Variants in MICALL2 observed in about 807,000 individuals in gnomAD.
MICALL2 encodes MICAL-like protein 2.
Under a neutral mutation model 91.1 loss-of-function variants are expected in MICALL2, and 111 were observed. That is an observed-to-expected ratio of 1.22 (90% CI 1.04 to 1.43). The LOEUF (loss-of-function observed/expected upper bound fraction) is 1.43. MICALL2 is among the 40% of genes most tolerant of loss of function. The pLI, the probability that MICALL2 is intolerant of heterozygous loss-of-function variation, is 0.00. For missense variants in MICALL2, 1,556 were observed against 1,236.0 expected (o/e 1.26, Z -3.88); for synonymous variants, 694 against 525.3 (o/e 1.32, Z -4.39).
intron 10 of MICALL2, 97 bp from the exon 11 acceptor site, chr7:1,438,450 G>A (rs944709659): frequency 3.3e-6 from 5 of 1,510,902 alleles, no homozygotes; most frequent in Non-Finnish European, 4.4e-6. Flanking sequence ...GCACAGCACA[G>A]CTGGCCCCAG....
In MICALL2 at chr7:1,442,110, G is replaced by A. The variant is rs1016026680; in HGVS notation, c.1711+82C>T. 92 of 1,473,148 alleles carry A rather than the reference G, an allele frequency of 6.2e-5. No individual in the cohort carries two copies. The Middle Eastern group carries it at 7.3e-4, about 12-fold the overall frequency. The allele number at this position is 1,473,148 out of a possible 1,614,324, so 91.3% of individuals were successfully genotyped here. A position where few individuals can be genotyped will look rare whatever the true frequency, so the allele number is the denominator to read the frequency against. On this transcript the variant is annotated intron_variant, in intron 7 of 16. Transcript: ENST00000297508. ...GGCGGGCGGGGCTGATGATGAAACCGCACACACTGCAGAGTGCGGCCAGGG... is the reference window on the plus strand; with the variant it reads ...GGCGGGCGGGGCTGATGATGAAACCACACACACTGCAGAGTGCGGCCAGGG...
chr7:1,438,052 G>A, intron 12 of MICALL2, 45 bp downstream of exon 12: 1 of 1,563,262 alleles, frequency 6.4e-7, no homozygotes, highest in Non-Finnish European at 8.7e-7. Context: ...GACTGAGGGT[G>A]TCTGTGGGAG....
rs368582091 is a variant in MICALL2 at position 1,452,194 on chromosome 7, G to A, written c.144-1906C>T. Among the ~76,000 whole-genome samples, 16 of 152,334 alleles carry A rather than the reference G, an allele frequency of 1.1e-4. No individual in the cohort carries two copies. Among genetic ancestry groups the A allele is most frequent in the East Asian group, 7.7e-4 (4 of 5,180 alleles). ...TTCTGCACGCCGGACAAGATGGGGCGCGGACTCCTCTCCGTGTGGACAGAT... is the reference window on the plus strand; with the variant it reads ...TTCTGCACGCCGGACAAGATGGGGCACGGACTCCTCTCCGTGTGGACAGAT... On this transcript the variant is annotated intron_variant, in intron 1 of 16. Coordinates refer to ENST00000297508, the MANE Select transcript of MICALL2 (RefSeq NM_182924.4). This position sits in a 1 kb window ranked among gnomAD's most constrained non-coding sequence, Gnocchi z 6.2.
In MICALL2 at chr7:1,444,780, G is replaced by C. The variant is rs1489263129; in HGVS notation, c.1290C>G (p.Thr430=). 6.2e-7 allele frequency: 1 copy of C among 1,611,876 alleles called. No homozygotes were observed. The highest frequency in any genetic ancestry group is 2.2e-5 in the East Asian group (1 of 44,862). The change falls in exon 6 of 17, where the codon ACC becomes ACG. Residue 430 remains threonine, a synonymous_variant. Transcript: ENST00000297508. ...GGGTGGGACCTCTGCCAGAAAGGCT[G>C]GTGCCGGGGGGCACTGCTGATGTTT... is the stretch of plus-strand genomic sequence containing the variant. The part of the protein sequence containing the change: ...FFQTSAVPPG[T]SLSGRGPTPS...
chr7:1,443,361 G>GGGGCAGGAGGCAGTTCT (rs1490255221), intron 6 of MICALL2, among the ~76,000 whole-genome samples: 1 of 152,110 alleles, frequency 6.6e-6, no homozygotes, highest in Non-Finnish European at 1.5e-5. Context: ...GACCACTGCG[G>GGGGCAGGAGGCAGTTCT]GGGCAGGAGG....
At chr7:1,436,934 A>C (rs1371925727) in intron 14 of MICALL2, 78 bp from the exon 15 acceptor site, 23 of 1,036,076 alleles carry the variant, frequency 2.2e-5, no homozygotes, top group Admixed American at 3.3e-5. Flanking sequence ...CCCACCACCC[A>C]AGCGCCAGGC....
At chr7:1,445,771 C>T (rs967737971) in intron 5 of MICALL2, among the ~76,000 whole-genome samples, 2 of 152,184 alleles carry the variant, frequency 1.3e-5, no homozygotes, top group African/African-American at 4.8e-5. Flanking sequence ...GGCCCCACCT[C>T]GGGGCTGACC....
In MICALL2 at chr7:1,447,599, A is replaced by G; in HGVS notation, c.501T>C (p.Gly167=). ...CAGTCTTGGGGGGCGGGCCCCCTGC[A>G]CCCTCATTCCTCCTCTGGACCACAG... The part of the protein sequence containing the change: ...TNPVVQRRNE[G]AGGPPPKTDQ... Residue 167 remains glycine, a synonymous_variant, in exon 4 of 17, where the codon GGT becomes GGC. Transcript: ENST00000297508. 6.3e-7 allele frequency: 1 copy of G among 1,584,510 alleles called. No individual in the cohort carries two copies. Among genetic ancestry groups the G allele is most frequent in the Non-Finnish European group, 8.6e-7 (1 of 1,165,864 alleles).
chr7:1,438,493 G>T (rs1169402077), intron 10 of MICALL2, 140 bp from the exon 11 acceptor site: 2 of 1,470,274 alleles, frequency 1.4e-6, no homozygotes, highest in African/African-American at 1.4e-5. Context: ...ACGCCCACTG[G>T]ACTGCCCTGA....
chr7:1,439,123 G>C (rs77830635), intron 9 of MICALL2, 128 bp from the exon 10 acceptor site: 22,837 of 742,406 alleles, frequency 0.031, 414 homozygotes, highest in Middle Eastern at 0.075. Flanking sequence ...CTCCCGACTG[G>C]CACAGGGTTG....
intron 9 of MICALL2, chr7:1,439,568 C>T (rs1007402785): frequency 2.6e-5 from 6 of 235,012 alleles, no homozygotes; most frequent in Non-Finnish European, 4.9e-5. Context: ...ATGCATCACA[C>T]GCATGAACAC....
intron 10 of MICALL2, 47 bp downstream of exon 10, chr7:1,438,793 C>G: frequency 1.9e-6 from 3 of 1,554,730 alleles, no homozygotes; most frequent in South Asian, 1.2e-5. Context: ...CAGAGGAAGG[C>G]TCCCTTCACG....
chr7:1,440,492 T>C, intron 8 of MICALL2, 99 bp downstream of exon 8: 3 of 1,080,688 alleles, frequency 2.8e-6, no homozygotes, highest in South Asian at 1.3e-5. Flanking sequence ...GGTGCGTCTA[T>C]CCCTGGATAG....
intron 1 of MICALL2, among the ~76,000 whole-genome samples, chr7:1,457,392 G>A (rs1781058560): frequency 6.6e-6 from 1 of 152,196 alleles, no homozygotes; most frequent in South Asian, 2.1e-4. Context: ...GGGGCAGAGG[G>A]CCTCCTCTCT....
chr7:1,438,201 G>A lies in MICALL2; in HGVS notation c.2207C>T (p.Ser736Phe), dbSNP rs1200964146. 2.7e-5 allele frequency: 42 copies of A among 1,583,480 alleles called. No homozygotes were observed. The highest frequency in any genetic ancestry group is 4.0e-5 in the African/African-American group (3 of 74,502). The change falls in exon 12 of 17, where the codon TCC (serine) becomes TTC (phenylalanine). Residue 736 changes from serine to phenylalanine, a missense_variant. Ser to Phe is a radical substitution (Grantham distance 155, BLOSUM62 -2). Coordinates refer to ENST00000297508, the MANE Select transcript of MICALL2 (RefSeq NM_182924.4). The part of the protein sequence containing the change: ...SPVRLHPDYL[S>F]PEEIQRQLQD... The stretch of plus-strand genomic sequence containing the variant: ...CAGCTGCCTCTGTATCTCCTCCGGG[G>A]AGAGGTAGTCGGGGTGCAGCTGGGA...
chr7:1,443,359 C>T (rs764043864), intron 6 of MICALL2, among the ~76,000 whole-genome samples: 17 of 152,034 alleles, frequency 1.1e-4, no homozygotes, highest in Admixed American at 1.0e-3. Flanking sequence ...CTGACCACTG[C>T]GGGGGCAGGA....
rs1256044617 is a variant in MICALL2, at chr7:1,437,950, C to T, written c.2342G>A (p.Trp781Ter). ...DDAEDSLMVD[W>*]FWLIHEKQLL... ...CTGCTTCTCGTGAATGAGCCAGAAC[C>T]AGTCCACCATGAGGCTATCCTCAGC... Residue 781 changes from tryptophan (W) to a stop codon, truncating the protein, a stop_gained, in exon 13 of 17, where the codon TGG becomes TAG. Coordinates refer to ENST00000297508, the MANE Select transcript of MICALL2 (RefSeq NM_182924.4). LOFTEE classifies it high-confidence loss of function. 1.3e-6 allele frequency: 2 copies of T among 1,550,042 alleles called. No individual in the cohort carries two copies. The highest frequency in any genetic ancestry group is 1.7e-6 in the Non-Finnish European group (2 of 1,147,146).
intron 6 of MICALL2, among the ~76,000 whole-genome samples, chr7:1,443,284 G>A (rs896322417): frequency 2.2e-4 from 34 of 151,656 alleles, no homozygotes; most frequent in African/African-American, 8.0e-4. Context: ...CCAGTGCCAG[G>A]AGGAGCAGAG....
intron 12 of MICALL2, 27 bp downstream of exon 12, chr7:1,438,070 G>A: frequency 1.9e-6 from 3 of 1,568,970 alleles, no homozygotes; most frequent in East Asian, 4.7e-5. Flanking sequence ...GAGTCGGGCT[G>A]GCCCAGGGCC....
Sources: allele counts gnomAD v4.1 joint callset (sites outside exome capture counted in the v4.1 genomes callset), GRCh38; gene constraint gnomAD v4.1.1; non-coding constraint Gnocchi (gnomAD v3.1); transcripts MANE v1.5; gene names NCBI Gene and HGNC (gene_info 2026-07-23, HGNC 2026-07-21).